The following EEIG2 variants were observed in gnomAD, a reference collection of about 807,000 sequenced individuals.
EEIG2 encodes family with sequence similarity 102 member B.
At chr1:108,571,671 A>G in the EEIG2 span, among the ~76,000 whole-genome samples, 1 of 152,200 alleles carries the variant, frequency 6.6e-6, no homozygotes, top group African/African-American at 2.4e-5. Context: ...GTGATACAAG[A>G]CAGTTTCTCT....
the EEIG2 span, among the ~76,000 whole-genome samples, chr1:108,567,349 G>A: frequency 1.1e-4 from 16 of 152,072 alleles, no homozygotes; most frequent in East Asian, 5.8e-4. Context: ...CTATTATTAC[G>A]TCATTACCAT....
At chr1:108,619,750 G>T in the EEIG2 span, among the ~76,000 whole-genome samples, 1 of 152,178 alleles carries the variant, frequency 6.6e-6, no homozygotes, top group Non-Finnish European at 1.5e-5. Flanking sequence ...AAATTAGCCA[G>T]GCGTGGTGGT....
At chr1:108,627,921 A>G in the EEIG2 span, 2 of 482,880 alleles carry the variant, frequency 4.1e-6, no homozygotes, top group Admixed American at 3.4e-5. Context: ...GAACTAATAA[A>G]GGACTGAAAT....
chr1:108,582,186 CTAAAA>C, the EEIG2 span, among the ~76,000 whole-genome samples: 29 of 152,158 alleles, frequency 1.9e-4, 2 homozygotes, highest in South Asian at 6.0e-3. Flanking sequence ...ACTTAATAGA[CTAAAA>C]TATAGTGTAG....
At chr1:108,630,128 G>A in the EEIG2 span, among the ~76,000 whole-genome samples, 5 of 152,134 alleles carry the variant, frequency 3.3e-5, no homozygotes, top group Admixed American at 1.3e-4. Flanking sequence ...ATAGGCATGC[G>A]CCACTGTGCA....
At chr1:108,580,901 G>A in the EEIG2 span, among the ~76,000 whole-genome samples, 1 of 152,302 alleles carries the variant, frequency 6.6e-6, no homozygotes, top group Non-Finnish European at 1.5e-5. Context: ...GATGAAGGGG[G>A]CTATGCTAAA....
chr1:108,560,569 A>T, the EEIG2 span: 1 of 1,608,128 alleles, frequency 6.2e-7, no homozygotes. Flanking sequence ...CCTCCAGGTA[A>T]CTCGCCTCCC....
chr1:108,560,651 C>A, the EEIG2 span: 3 of 1,477,458 alleles, frequency 2.0e-6, no homozygotes, highest in Non-Finnish European at 2.7e-6. Flanking sequence ...CCCATTTGCT[C>A]GCCTTTCCCT....
the EEIG2 span, among the ~76,000 whole-genome samples, chr1:108,602,221 G>C: frequency 6.6e-6 from 1 of 152,128 alleles, no homozygotes; most frequent in Non-Finnish European, 1.5e-5. Flanking sequence ...AAGCAAAAAA[G>C]CCCCTGTACT....
chr1:108,612,435 G>A, the EEIG2 span: 6 of 548,764 alleles, frequency 1.1e-5, no homozygotes, highest in South Asian at 1.2e-4. Context: ...CATCACTTAG[G>A]GAAAAACCCC....
At chr1:108,634,966 T>A in the EEIG2 span, 1 of 693,680 alleles carries the variant, frequency 1.4e-6, no homozygotes, top group Non-Finnish European at 2.5e-6. Context: ...ATAGTTTCTA[T>A]CCGTGATGCC....
chr1:108,604,241 T>C, the EEIG2 span, among the ~76,000 whole-genome samples: 8 of 152,174 alleles, frequency 5.3e-5, no homozygotes, highest in Non-Finnish European at 1.5e-5. Flanking sequence ...ATGAAGAGTT[T>C]AGATCTAATT....
chr1:108,597,057 C>T, the EEIG2 span, among the ~76,000 whole-genome samples: 5 of 152,084 alleles, frequency 3.3e-5, no homozygotes, highest in African/African-American at 4.8e-5. Context: ...ATCTTGGTTT[C>T]TTTCATATTA....
At chr1:108,588,776 G>T in the EEIG2 span, among the ~76,000 whole-genome samples, 3 of 138,846 alleles carry the variant, frequency 2.2e-5, no homozygotes, top group Non-Finnish European at 3.1e-5. Flanking sequence ...TTATATATTT[G>T]GGATATTAAC....
the EEIG2 span, among the ~76,000 whole-genome samples, chr1:108,622,246 G>A: frequency 6.6e-6 from 1 of 152,246 alleles, no homozygotes; most frequent in South Asian, 2.1e-4. Context: ...AGGGATTTGA[G>A]TTTTATGCCG....
the EEIG2 span, among the ~76,000 whole-genome samples, chr1:108,570,598 A>G: frequency 6.6e-6 from 1 of 152,232 alleles, no homozygotes; most frequent in African/African-American, 2.4e-5. Flanking sequence ...AAAAGGCCCA[A>G]CTGAAATTTA....
the EEIG2 span, among the ~76,000 whole-genome samples, chr1:108,622,296 T>C: frequency 1.1e-4 from 17 of 152,120 alleles, no homozygotes; most frequent in Non-Finnish European, 2.5e-4. Context: ...GAGTAACATG[T>C]TCAGAGGCAA....
chr1:108,624,621 CA>C, the EEIG2 span: 20 of 1,604,994 alleles, frequency 1.2e-5, no homozygotes, highest in Non-Finnish European at 1.7e-5. Flanking sequence ...CCCACAACTC[CA>C]GTTCGTAAAT....
the EEIG2 span, among the ~76,000 whole-genome samples, chr1:108,569,463 G>A: frequency 1.3e-5 from 2 of 152,104 alleles, no homozygotes; most frequent in Non-Finnish European, 2.9e-5. Context: ...AGTAGCTGGG[G>A]CTACAGGTGT....
Sources: gnomAD v4.1 joint callset for allele counts (sites outside exome capture counted in the v4.1 genomes callset) on GRCh38, gnomAD v4.1.1 for gene constraint, MANE v1.5 for transcripts, NCBI Gene and HGNC (gene_info 2026-07-23, HGNC 2026-07-21) for gene names.